The following ENOX1 variants were observed in gnomAD, a reference collection of about 807,000 sequenced individuals.
ENOX1 encodes ecto-NOX disulfide-thiol exchanger 1.
A neutral mutation model predicts 82.5 loss-of-function variants in ENOX1; 42 were observed. The observed-to-expected ratio is 0.51, with a 90% confidence interval of 0.40 to 0.66. The LOEUF (loss-of-function observed/expected upper bound fraction) is 0.66. Among genes scored for constraint, ENOX1 ranks in the 30% least tolerant of loss-of-function variants. The pLI is 0.00. For synonymous variants in ENOX1, 271 were observed against 282.2 expected (o/e 0.96, Z 0.40); for missense variants, 608 against 811.6 (o/e 0.75, Z 3.05).
At chr13:43,709,974 A>G (rs2087579329) in intron 1 of ENOX1, among the ~76,000 whole-genome samples, 1 of 152,222 alleles carries the variant, frequency 6.6e-6, no homozygotes, top group Non-Finnish European at 1.5e-5. Context: ...ATGTTATTAA[A>G]GCACACAGAA....
chr13:43,271,029 C>T (rs12585585), intron 12 of ENOX1, among the ~76,000 whole-genome samples: 24,953 of 152,130 alleles, frequency 0.16, 2,707 homozygotes, highest in East Asian at 0.6. Context: ...CTGACTGGCC[C>T]TAGAACAGTT....
intron 1 of ENOX1, among the ~76,000 whole-genome samples, chr13:43,688,463 A>T (rs773176191): frequency 1.2e-4 from 19 of 152,214 alleles, no homozygotes; most frequent in Non-Finnish European, 2.5e-4. Context: ...AAAGGACTAG[A>T]TAAGAAATGC....
intron 2 of ENOX1, among the ~76,000 whole-genome samples, chr13:43,504,647 T>G (rs2077088897): frequency 6.6e-6 from 1 of 151,644 alleles, no homozygotes; most frequent in African/African-American, 2.4e-5. Context: ...GAATGGTGGT[T>G]GCCAAGGGCC....
In ENOX1 at chr13:43,380,549, CCAAT is replaced by C. The variant is rs561548547; in HGVS notation, c.209-19101_209-19098del. On this transcript the variant is annotated intron_variant, in intron 5 of 16. Transcript: ENST00000690772. ...ATCAATTATTAAGATTGATTTTAACCCAATCACACTGATAATCATATTAAATATA... is the reference window on the plus strand; with the variant it reads ...ATCAATTATTAAGATTGATTTTAACCCACACTGATAATCATATTAAATATA... Among the ~76,000 whole-genome samples the C allele has an allele frequency of 2.8e-3, 426 of 150,978 alleles. 1 individual carries two copies. The highest frequency in any genetic ancestry group is 4.7e-3 in the Non-Finnish European group (314 of 67,376).
chr13:43,735,624 G>A (rs7984707), intron 1 of ENOX1, among the ~76,000 whole-genome samples: 9,851 of 152,134 alleles, frequency 0.065, 406 homozygotes, highest in African/African-American at 0.11. Flanking sequence ...GGGAGGCTGA[G>A]GCAGGAGAAC....
intron 1 of ENOX1, among the ~76,000 whole-genome samples, chr13:43,738,020 A>G (rs921448736): frequency 1.3e-5 from 2 of 152,210 alleles, no homozygotes; most frequent in African/African-American, 4.8e-5. Context: ...TTTAATTTAG[A>G]CCCAAATCAC....
rs1431602968 is a variant in ENOX1, at chr13:43,786,901, G to A, written c.-534C>T. ...TGAGTAGCGGCGCCCGGGAGAGCGG[G>A]GATCTGCTGAGGGGCGCTGGAGACT... On this transcript the variant is annotated 5_prime_UTR_variant, in exon 1 of 17. Coordinates refer to ENST00000690772, the MANE Select transcript of ENOX1 (RefSeq NM_001347969.2). This position sits in a 1 kb window ranked among gnomAD's most constrained non-coding sequence, Gnocchi z 6.0. 1 of 151,714 alleles carries A rather than the reference G, an allele frequency of 6.6e-6. No individual in the cohort carries two copies. Among genetic ancestry groups the A allele is most frequent in the Non-Finnish European group, 1.5e-5 (1 of 67,886 alleles). 9.4% of individuals were successfully genotyped at this position (151,714 alleles called of 1,614,324 possible).
intron 2 of ENOX1, among the ~76,000 whole-genome samples, chr13:43,605,208 C>T (rs998913922): frequency 1.3e-5 from 2 of 152,026 alleles, no homozygotes; most frequent in African/African-American, 4.8e-5. Context: ...CTGGAAGAAT[C>T]AATATGGTTA....
intron 14 of ENOX1, among the ~76,000 whole-genome samples, chr13:43,238,784 G>T (rs2042673877): frequency 6.6e-6 from 1 of 152,148 alleles, no homozygotes; most frequent in East Asian, 1.9e-4. Context: ...GGGGCCAAAT[G>T]AAATTATTCA....
At chr13:43,306,910 A>G (rs968650360) in intron 11 of ENOX1, among the ~76,000 whole-genome samples, 9 of 152,268 alleles carry the variant, frequency 5.9e-5, no homozygotes, top group African/African-American at 2.2e-4. Context: ...ATGAAATGTG[A>G]AATGATGGCC....
chr13:43,687,971 T>C (rs1280968225), intron 1 of ENOX1, among the ~76,000 whole-genome samples: 1 of 151,806 alleles, frequency 6.6e-6, no homozygotes, highest in African/African-American at 2.4e-5. Context: ...ACCCAGAAAC[T>C]AGAGAGAACA....
At chr13:43,348,975 A>G (rs1566572747) in intron 8 of ENOX1, among the ~76,000 whole-genome samples, 1 of 152,258 alleles carries the variant, frequency 6.6e-6, no homozygotes, top group East Asian at 1.9e-4. Context: ...TATAGTGTTC[A>G]GTACTATCCA....
intron 9 of ENOX1, among the ~76,000 whole-genome samples, chr13:43,335,596 T>C (rs1361244770): frequency 6.6e-5 from 10 of 152,066 alleles, no homozygotes; most frequent in African/African-American, 2.2e-4. Flanking sequence ...CCAGAAGTTA[T>C]ACCTTTCCTG....
intron 13 of ENOX1, among the ~76,000 whole-genome samples, chr13:43,268,329 G>A (rs1007364671): frequency 1.3e-5 from 2 of 152,078 alleles, no homozygotes; most frequent in African/African-American, 2.4e-5. Context: ...TCAACTGCAG[G>A]TCATTGTGAA....
intron 1 of ENOX1, among the ~76,000 whole-genome samples, chr13:43,721,371 T>C (rs1290590649): frequency 1.6e-5 from 2 of 127,968 alleles, no homozygotes; most frequent in African/African-American, 6.1e-5. Flanking sequence ...TTATATATTT[T>C]ATATCTTTTT....
At chr13:43,695,731 A>G (rs1159899138) in intron 1 of ENOX1, among the ~76,000 whole-genome samples, 2 of 152,190 alleles carry the variant, frequency 1.3e-5, no homozygotes, top group Non-Finnish European at 2.9e-5. Flanking sequence ...TACAGGCGTG[A>G]GCCACCGCAC....
chr13:43,247,629 G>A (rs962372696), intron 14 of ENOX1, among the ~76,000 whole-genome samples: 3 of 150,492 alleles, frequency 2.0e-5, no homozygotes, highest in African/African-American at 7.3e-5. Context: ...TATATCTACC[G>A]TGGCATTCAG....
chr13:43,715,451 A>T (rs2088050660), intron 1 of ENOX1, among the ~76,000 whole-genome samples: 1 of 150,984 alleles, frequency 6.6e-6, no homozygotes, highest in Non-Finnish European at 1.5e-5. Context: ...AGTATCTTGG[A>T]GTTGCTCTTC....
intron 5 of ENOX1, among the ~76,000 whole-genome samples, chr13:43,401,571 C>A (rs117779356): frequency 6.6e-6 from 1 of 152,066 alleles, no homozygotes; most frequent in Non-Finnish European, 1.5e-5. Context: ...AGAGAGAGAG[C>A]TTTGGAGATC....
Sources: gnomAD v4.1 joint callset for allele counts (sites outside exome capture counted in the v4.1 genomes callset) on GRCh38, gnomAD v4.1.1 for gene constraint, Gnocchi (gnomAD v3.1) non-coding constraint, MANE v1.5 for transcripts, NCBI Gene and HGNC (gene_info 2026-07-23, HGNC 2026-07-21) for gene names.